Variants in HS3ST4 observed in about 807,000 individuals in gnomAD.
HS3ST4 encodes the protein heparan sulfate glucosamine 3-O-sulfotransferase 4.
A neutral mutation model predicts 29.2 loss-of-function variants in HS3ST4; 17 were observed. The observed-to-expected ratio is 0.58, with a 90% CI of 0.40 to 0.87. HS3ST4 has a LOEUF of 0.87. HS3ST4 is among the 40% of genes least tolerant of loss of function. HS3ST4 has a pLI of 0.00. For synonymous variants in HS3ST4, 314 were observed against 285.7 expected (o/e 1.10, Z -1.00); for missense variants, 627 against 634.5 (o/e 0.99, Z 0.13).
chr16:26,114,936 T>G (rs371845142), intron 1 of HS3ST4, among the ~76,000 whole-genome samples: 1 of 152,302 alleles, frequency 6.6e-6, no homozygotes, highest in East Asian at 1.9e-4. Context: ...TCGCTCACTT[T>G]GGTCTTATTT....
intron 1 of HS3ST4, among the ~76,000 whole-genome samples, chr16:25,896,347 A>G (rs1968064674): frequency 6.6e-6 from 1 of 152,252 alleles, no homozygotes; most frequent in Non-Finnish European, 1.5e-5. Flanking sequence ...AGGACTGAAC[A>G]GACACTTCTC....
intron 1 of HS3ST4, among the ~76,000 whole-genome samples, chr16:25,921,103 G>C (rs973911633): frequency 1.5e-4 from 23 of 152,168 alleles, no homozygotes; most frequent in African/African-American, 5.6e-4. Flanking sequence ...TAAGCTTCAT[G>C]AGAGCAGAGG....
At chr16:26,049,770 G>A (rs1308259865) in intron 1 of HS3ST4, among the ~76,000 whole-genome samples, 1 of 152,078 alleles carries the variant, frequency 6.6e-6, no homozygotes, top group African/African-American at 2.4e-5. Flanking sequence ...CTACAAATCG[G>A]GCTTCTCACA....
chr16:25,891,168 G>A (rs947559472), intron 1 of HS3ST4, among the ~76,000 whole-genome samples: 3 of 152,192 alleles, frequency 2.0e-5, no homozygotes, highest in Non-Finnish European at 4.4e-5. Context: ...ACTACAGTGA[G>A]CCTGTCACCG....
intron 1 of HS3ST4, among the ~76,000 whole-genome samples, chr16:25,953,205 G>A (rs1239964965): frequency 1.3e-5 from 2 of 152,124 alleles, no homozygotes; most frequent in Non-Finnish European, 2.9e-5. Context: ...GAGCAGGTGG[G>A]GAGGCAGGCA....
intron 1 of HS3ST4, among the ~76,000 whole-genome samples, chr16:26,012,728 T>A (rs1969321935): frequency 6.6e-6 from 1 of 152,196 alleles, no homozygotes; most frequent in Non-Finnish European, 1.5e-5. Context: ...TCAGTGCCTG[T>A]TCAGGGACCA....
At chr16:26,114,010 G>T (rs1347845139) in intron 1 of HS3ST4, among the ~76,000 whole-genome samples, 1 of 152,218 alleles carries the variant, frequency 6.6e-6, no homozygotes, top group African/African-American at 2.4e-5. Flanking sequence ...GGTTGGGCAT[G>T]CTGTGAACAA....
rs117730802 is a variant in HS3ST4 at position 25,772,214 on chromosome 16, C to A, written c.734+79063C>A. Reference sequence around the variant, plus strand: ...GATGGTATTTGGGCTTCTCTTATCACAATCAACATTATCTTAGTTGCCTAA... The same window carrying A: ...GATGGTATTTGGGCTTCTCTTATCAAAATCAACATTATCTTAGTTGCCTAA... On this transcript the variant is annotated intron_variant, in intron 1 of 1. Coordinates refer to ENST00000331351, the MANE Select transcript of HS3ST4 (RefSeq NM_006040.3). 8.4e-4 allele frequency among the ~76,000 whole-genome samples: 128 copies of A among 152,342 alleles called. 2 individuals are homozygous for A. In the East Asian group the frequency reaches 0.018, roughly 21 times the overall value.
chr16:25,904,513 C>T (rs1000600523), intron 1 of HS3ST4, among the ~76,000 whole-genome samples: 3 of 152,142 alleles, frequency 2.0e-5, no homozygotes, highest in Admixed American at 6.5e-5. Flanking sequence ...AGTTTTTATA[C>T]ATTAGCACTG....
At chr16:25,699,664 A>T (rs756186711) in intron 1 of HS3ST4, among the ~76,000 whole-genome samples, 16 of 152,240 alleles carry the variant, frequency 1.1e-4, no homozygotes, top group Non-Finnish European at 2.2e-4. Flanking sequence ...TCACCTACGA[A>T]AAGACTTTGG....
chr16:25,829,196 C>T (rs910661395), intron 1 of HS3ST4, among the ~76,000 whole-genome samples: 2 of 152,174 alleles, frequency 1.3e-5, no homozygotes, highest in African/African-American at 4.8e-5. Context: ...TTGGGAGAAG[C>T]CTCCCTTCAT....
intron 1 of HS3ST4, among the ~76,000 whole-genome samples, chr16:25,906,492 A>G (rs1267047879): frequency 6.6e-6 from 1 of 152,202 alleles, no homozygotes; most frequent in Non-Finnish European, 1.5e-5. Flanking sequence ...GGGTTAGAGC[A>G]GTAACCATGA....
At chr16:26,003,241 C>T (rs1969228250) in intron 1 of HS3ST4, among the ~76,000 whole-genome samples, 1 of 152,168 alleles carries the variant, frequency 6.6e-6, no homozygotes, top group African/African-American at 2.4e-5. Context: ...TCACCACTTA[C>T]TTAGCTTGTT....
At chr16:26,102,216 T>C (rs1898998518) in intron 1 of HS3ST4, among the ~76,000 whole-genome samples, 1 of 151,896 alleles carries the variant, frequency 6.6e-6, no homozygotes, top group Non-Finnish European at 1.5e-5. Flanking sequence ...CATCCAAAAA[T>C]CCAGTCTCTG....
At chr16:25,921,323 T>A (rs922189786) in intron 1 of HS3ST4, among the ~76,000 whole-genome samples, 3 of 152,252 alleles carry the variant, frequency 2.0e-5, no homozygotes, top group Admixed American at 2.0e-4. Flanking sequence ...TCAGTTATTG[T>A]ATCTGGCAAT....
chr16:26,013,537 T>G (rs1389881457), intron 1 of HS3ST4, among the ~76,000 whole-genome samples: 1 of 152,224 alleles, frequency 6.6e-6, no homozygotes, highest in Non-Finnish European at 1.5e-5. Context: ...ACCCAATAGA[T>G]GCTTAAATTT....
intron 1 of HS3ST4, among the ~76,000 whole-genome samples, chr16:25,822,392 C>T (rs577310213): frequency 6.6e-6 from 1 of 152,272 alleles, no homozygotes; most frequent in East Asian, 1.9e-4. Flanking sequence ...AATACTACCA[C>T]CTCGGGGAGT....
intron 1 of HS3ST4, among the ~76,000 whole-genome samples, chr16:25,767,385 G>T (rs182319083): frequency 6.6e-6 from 1 of 152,222 alleles, no homozygotes; most frequent in African/African-American, 2.4e-5. Flanking sequence ...AGGGGGCCAG[G>T]TGGGAATATT....
At chr16:25,832,317 A>G (rs371779364) in intron 1 of HS3ST4, among the ~76,000 whole-genome samples, 1 of 152,128 alleles carries the variant, frequency 6.6e-6, no homozygotes, top group East Asian at 1.9e-4. Context: ...CAAATGCAGA[A>G]ACAAGACTTG....
Sources: gnomAD v4.1 joint callset for allele counts (sites outside exome capture counted in the v4.1 genomes callset) on GRCh38, gnomAD v4.1.1 for gene constraint, MANE v1.5 for transcripts, NCBI Gene and HGNC (gene_info 2026-07-23, HGNC 2026-07-21) for gene names.